NAALADL2: variants seen among roughly 807,000 people sequenced by gnomAD.
The protein encoded by NAALADL2 is inactive N-acetylated-alpha-linked acidic dipeptidase-like protein 2.
NAALADL2 carries 76 observed loss-of-function variants against 87.2 expected under a neutral mutation model. The ratio of observed to expected loss-of-function variants is 0.87; its 90% CI spans 0.72 to 1.05. NAALADL2 has a LOEUF of 1.05. Ranked by LOEUF, NAALADL2 falls within the 50% of genes least tolerant of loss-of-function variation. The pLI, the probability that NAALADL2 is intolerant of heterozygous loss-of-function variation, is 0.00. For missense variants in NAALADL2, 1,089 were observed against 945.8 expected, an observed-to-expected ratio of 1.15 and a Z score of -1.99; for synonymous variants, 354 against 331.0, an observed-to-expected ratio of 1.07 and a Z score of -0.75.
At chr3:175,742,928 G>A (rs77380395) in intron 12 of NAALADL2, among the ~76,000 whole-genome samples, 24,917 of 151,964 alleles carry the variant, frequency 0.16, 2,399 homozygotes, top group African/African-American at 0.26. Context: ...CTTTTCTCCC[G>A]GTGTAGGGAG....
chr3:174,672,747 C>T (rs990207004), intron 2 of NAALADL2, among the ~76,000 whole-genome samples: 1 of 151,870 alleles, frequency 6.6e-6, no homozygotes, highest in African/African-American at 2.4e-5. Context: ...GTATTCCAGG[C>T]CTTGAGGACA....
At chr3:175,679,573 T>C (rs16826115) in intron 11 of NAALADL2, among the ~76,000 whole-genome samples, 2,934 of 152,268 alleles carry the variant, frequency 0.019, 104 homozygotes, top group African/African-American at 0.067. Flanking sequence ...AGAATATAGT[T>C]GTGTGTGTGC....
At chr3:175,111,715 A>C (rs1724223016) in intron 2 of NAALADL2, among the ~76,000 whole-genome samples, 1 of 151,682 alleles carries the variant, frequency 6.6e-6, no homozygotes. Context: ...CTTAGGTTTC[A>C]CTTGATCCAA....
intron 13 of NAALADL2, among the ~76,000 whole-genome samples, chr3:175,779,659 T>G (rs1750743077): frequency 1.3e-5 from 2 of 152,184 alleles, no homozygotes; most frequent in African/African-American, 4.8e-5. Context: ...AATTAAGATT[T>G]GGGAATATCA....
At chr3:175,553,722 G>A (rs868537426) in intron 9 of NAALADL2, among the ~76,000 whole-genome samples, 34 of 150,120 alleles carry the variant, frequency 2.3e-4, no homozygotes, top group African/African-American at 8.1e-4. Flanking sequence ...ACCAAATTAG[G>A]TATTTTATAT....
chr3:175,363,523 ACT>A (rs1381785008), intron 5 of NAALADL2, among the ~76,000 whole-genome samples: 4 of 146,094 alleles, frequency 2.7e-5, no homozygotes, highest in African/African-American at 9.9e-5. Flanking sequence ...TCTGTCTCTG[ACT>A]CTGTCTCTCT....
chr3:174,485,473 A>C (rs1371031538), intron 1 of NAALADL2, among the ~76,000 whole-genome samples: 1 of 146,570 alleles, frequency 6.8e-6, no homozygotes, highest in African/African-American at 2.5e-5. Context: ...GATAGGCCCC[A>C]GTGTGTGTTG....
rs1164504650 is a variant in NAALADL2 at position 174,831,569 on chromosome 3, C to G, written c.-9+93823C>G. ...ATCAAGGATATTGGTCTAAAATTCT[C>G]TTTTTTTGTTGTGTCTCTGCCTGGC... On this transcript the variant is annotated intron_variant, in intron 3 of 3. Coordinates refer to the NAALADL2 transcript ENST00000434257. 2.7e-5 allele frequency among the ~76,000 whole-genome samples: 4 copies of G among 150,134 alleles called. No individual in the cohort carries two copies. In the East Asian group the frequency reaches 7.8e-4, roughly 29 times the overall value.
intron 2 of NAALADL2, among the ~76,000 whole-genome samples, chr3:175,152,340 T>C (rs894959167): frequency 6.6e-6 from 1 of 152,190 alleles, no homozygotes; most frequent in Non-Finnish European, 1.5e-5. Context: ...AAACTTGTTT[T>C]ATAGTATGAA....
intron 11 of NAALADL2, among the ~76,000 whole-genome samples, chr3:175,684,055 T>G (rs1735951912): frequency 6.6e-6 from 1 of 152,052 alleles, no homozygotes; most frequent in Non-Finnish European, 1.5e-5. Context: ...AATTTTATGA[T>G]GAGCTTTTAA....
In NAALADL2 at chr3:175,644,310, T is replaced by C. The variant is rs149213591; in HGVS notation, c.1896+16924T>C. On this transcript the variant is annotated intron_variant, in intron 11 of 13. Transcript: ENST00000454872. The stretch of plus-strand genomic sequence containing the variant: ...TTCCATGTAATCTAGTTTGCCAATA[T>C]CTTTATGTTTTTAGTCCTTTGAGGT... Among the ~76,000 whole-genome samples the C allele has an allele frequency of 1.3e-4, 20 of 152,226 alleles. No individual in the cohort carries two copies. The East Asian group carries it at 3.3e-3, about 25-fold the overall frequency.
At chr3:175,582,500 A>G (rs1719931764) in intron 10 of NAALADL2, among the ~76,000 whole-genome samples, 1 of 152,172 alleles carries the variant, frequency 6.6e-6, no homozygotes, top group South Asian at 2.1e-4. Context: ...TTTTCTAATA[A>G]AGCCTTTTTA....
chr3:174,757,659 T>C (rs566680320), intron 3 of NAALADL2, among the ~76,000 whole-genome samples: 1 of 152,064 alleles, frequency 6.6e-6, no homozygotes, highest in African/African-American at 2.4e-5. Flanking sequence ...GCCCAGCTAA[T>C]TTTTGTATTT....
chr3:174,730,474 G>C (rs1245732062), intron 2 of NAALADL2, among the ~76,000 whole-genome samples: 1 of 151,954 alleles, frequency 6.6e-6, no homozygotes, highest in African/African-American at 2.4e-5. Flanking sequence ...ATATTCTATA[G>C]ATATATGTCA....
chr3:175,636,654 C>T (rs1410161893), intron 11 of NAALADL2, among the ~76,000 whole-genome samples: 2 of 145,378 alleles, frequency 1.4e-5, no homozygotes, highest in African/African-American at 5.1e-5. Context: ...GCCAAGATTG[C>T]ACCACTACAG....
chr3:175,265,094 A>G (rs1275419671), intron 4 of NAALADL2, among the ~76,000 whole-genome samples: 2 of 151,560 alleles, frequency 1.3e-5, no homozygotes, highest in Admixed American at 1.3e-4. Context: ...CAAGAACTAT[A>G]TTTTCTCCTT....
chr3:174,606,924 G>A (rs1381109207), intron 2 of NAALADL2, among the ~76,000 whole-genome samples: 3 of 151,920 alleles, frequency 2.0e-5, no homozygotes, highest in Admixed American at 6.6e-5. Flanking sequence ...CAGAAAGGTC[G>A]GGTTACCCAC....
intron 1 of NAALADL2, among the ~76,000 whole-genome samples, chr3:174,990,416 G>C (rs567174438): frequency 1.8e-4 from 28 of 152,176 alleles, no homozygotes; most frequent in African/African-American, 6.5e-4. Flanking sequence ...CTTGCGTCTC[G>C]TAGGAAATAA....
At chr3:175,113,707 A>AT (rs1724593693) in intron 2 of NAALADL2, among the ~76,000 whole-genome samples, 1 of 151,580 alleles carries the variant, frequency 6.6e-6, no homozygotes, top group African/African-American at 2.4e-5. Context: ...GACCCTGAAC[A>AT]TGCAGTGGTT....
Sources: allele counts gnomAD v4.1 joint callset (sites outside exome capture counted in the v4.1 genomes callset), GRCh38; gene constraint gnomAD v4.1.1; transcripts MANE v1.5; gene names NCBI Gene and HGNC (gene_info 2026-07-23, HGNC 2026-07-21).